MTHFD1: variants seen among roughly 807,000 people sequenced by gnomAD.
MTHFD1 encodes the protein methylenetetrahydrofolate dehydrogenase, cyclohydrolase and formyltetrahydrofolate synthetase 1.
A neutral mutation model predicts 110.3 loss-of-function variants in MTHFD1; 44 were observed. The ratio of observed to expected loss-of-function variants is 0.40; its 90% confidence interval spans 0.31 to 0.51. The LOEUF is 0.51. Ranked by LOEUF, MTHFD1 falls within the 20% of genes least tolerant of loss-of-function variation. The pLI, the probability that MTHFD1 is intolerant of heterozygous loss-of-function variation, is 0.60. For missense variants in MTHFD1, 909 were observed against 1,173.1 expected (o/e 0.77, Z 3.29); for synonymous variants, 402 against 428.8 (o/e 0.94, Z 0.77).
At chr14:64,442,199 G>C in intron 20 of MTHFD1, 34 bp downstream of exon 20, 3 of 1,612,964 alleles carry the variant, frequency 1.9e-6, no homozygotes, top group Non-Finnish European at 2.5e-6. Flanking sequence ...TGAATAGACT[G>C]TATGTTTCTT....
chr14:64,427,058 CT>C (rs1228937769), intron 11 of MTHFD1, among the ~76,000 whole-genome samples: 2 of 150,100 alleles, frequency 1.3e-5, no homozygotes, highest in South Asian at 2.1e-4. Flanking sequence ...TCTTTTCTTT[CT>C]TTTTTTTTCT....
At position 64,417,310 on chromosome 14, in the gene MTHFD1, G is replaced by C; in HGVS notation, c.479-578G>C. ...GACATTGGTATATTGCCAGAAAAAT[G>C]GATGCTGTGATAGCAAAAAGAAAGC... is the stretch of plus-strand genomic sequence containing the variant. On this transcript the variant is annotated intron_variant, in intron 6 of 27. Transcript: ENST00000652337. This position sits in a 1 kb window ranked among gnomAD's most constrained non-coding sequence, Gnocchi z 4.4. Among the ~76,000 whole-genome samples the C allele has an allele frequency of 6.6e-6, 1 of 152,186 alleles. No homozygotes were observed.
chr14:64,433,254 G>T (rs1037390003), intron 15 of MTHFD1, among the ~76,000 whole-genome samples: 1 of 151,568 alleles, frequency 6.6e-6, no homozygotes, highest in Non-Finnish European at 1.5e-5. Flanking sequence ...GAATAGCTGG[G>T]GTTACAGGTG....
At chr14:64,425,633 C>T (rs749636847) in intron 9 of MTHFD1, 97 bp from the exon 10 acceptor site, 10 of 1,001,522 alleles carry the variant, frequency 1.0e-5, no homozygotes, top group Non-Finnish European at 1.6e-5. Context: ...TGAAGCAGTT[C>T]ATTTTGTGAT....
rs1369613607 is a variant in MTHFD1, at chr14:64,453,825, C to G, written c.2529C>G (p.Pro843=). The change falls in exon 25 of 28, where the codon CCC becomes CCG. Residue 843 remains proline, a synonymous_variant. Transcript: ENST00000652337. ...GAGCAGATGACATTGAATTACTTCC[C>G]GAAGCTCAACACAAAGCTGAAGTCT... ...IYGADDIELL[P]EAQHKAEVYT... is the part of the protein sequence containing the mutation. 1 of 1,611,958 alleles carries G rather than the reference C, an allele frequency of 6.2e-7. No homozygotes were observed. The highest frequency in any genetic ancestry group is 1.1e-5 in the South Asian group (1 of 91,014).
chr14:64,421,482 C>G (rs1428236145), intron 8 of MTHFD1, among the ~76,000 whole-genome samples: 3 of 152,202 alleles, frequency 2.0e-5, no homozygotes, highest in African/African-American at 7.2e-5. Flanking sequence ...GCTTTTAAGA[C>G]AGTAGCTCAT....
chr14:64,427,235 C>A, intron 11 of MTHFD1, 102 bp from the exon 12 acceptor site: 1 of 1,368,084 alleles, frequency 7.3e-7, no homozygotes, highest in Non-Finnish European at 1.0e-6. Flanking sequence ...CTTTCTTAAT[C>A]TTTAGATTAC....
At position 64,447,419 on chromosome 14, in the gene MTHFD1, G is replaced by A. The variant is rs1299653221; in HGVS notation, c.2179-798G>A. On this transcript the variant is annotated intron_variant, in intron 22 of 27. Transcript: ENST00000652337. ...TCCACCTGCCTCGGCCCCCCAAAGT[G>A]CTGGGATGACAGGCATAAGCCACCA... 2.0e-5 allele frequency among the ~76,000 whole-genome samples: 3 copies of A among 149,364 alleles called. No individual in the cohort carries two copies. In the East Asian group the frequency reaches 5.9e-4, roughly 29 times the overall value.
chr14:64,392,759 T>C (rs1188884195), intron 1 of MTHFD1, among the ~76,000 whole-genome samples: 1 of 152,242 alleles, frequency 6.6e-6, no homozygotes, highest in African/African-American at 2.4e-5. Context: ...ATGAGTTTAA[T>C]ACCTATAAAG....
chr14:64,438,884 C>G (rs749031221), intron 16 of MTHFD1, among the ~76,000 whole-genome samples: 35 of 152,324 alleles, frequency 2.3e-4, no homozygotes, highest in Non-Finnish European at 4.4e-4. Context: ...CCAAGCCATT[C>G]CACATTCCTT....
rs2078276708 is a variant in MTHFD1 at position 64,444,698 on chromosome 14, T to C, written c.2142T>C (p.Thr714=). The change falls in exon 22 of 28, where the codon ACT becomes ACC. Residue 714 remains threonine (T), a synonymous_variant. Coordinates refer to ENST00000652337, the MANE Select transcript of MTHFD1 (RefSeq NM_005956.4). ...TCTGTTTCTTTTCCTTCCAGGTCACTGCTGGACTGCCTCTTCCCAAGGCTT... is the reference window on the plus strand; with the variant it reads ...TCTGTTTCTTTTCCTTCCAGGTCACCGCTGGACTGCCTCTTCCCAAGGCTT... ...LKMHGGGPTV[T]AGLPLPKAYI... 10 of 1,614,044 alleles carry C rather than the reference T, an allele frequency of 6.2e-6. No homozygotes were observed. Among genetic ancestry groups the C allele is most frequent in the South Asian group, 1.1e-5 (1 of 91,092 alleles).
rs982740179 is a variant in MTHFD1 at position 64,458,160 on chromosome 14, C to T, written c.2719-54C>T. ...CTCCACCTCAGCCTGGGATTATAGG[C>T]GTGAGCCACTGTGCCCAGCATTAGT... On this transcript the variant is annotated intron_variant, in intron 26 of 27. Coordinates refer to ENST00000652337, the MANE Select transcript of MTHFD1 (RefSeq NM_005956.4). 22 of 1,364,148 alleles carry T rather than the reference C, an allele frequency of 1.6e-5. No homozygotes were observed. The East Asian group carries it at 2.1e-4, about 13-fold the overall frequency. The allele number at this position is 1,364,148 out of a possible 1,614,324, so 84.5% of individuals were successfully genotyped here.
intron 11 of MTHFD1, among the ~76,000 whole-genome samples, chr14:64,426,583 G>C (rs1231763965): frequency 6.6e-6 from 1 of 152,156 alleles, no homozygotes. Context: ...CGGTTCTCCT[G>C]CCTCAGCCTC....
intron 4 of MTHFD1, among the ~76,000 whole-genome samples, chr14:64,413,177 C>T (rs965417060): frequency 6.6e-6 from 1 of 151,584 alleles, no homozygotes; most frequent in African/African-American, 2.4e-5. Flanking sequence ...CATGGAGAAA[C>T]CCTGTCTCTA....
chr14:64,412,617 A>T, intron 4 of MTHFD1, 92 bp downstream of exon 4: 3 of 832,306 alleles, frequency 3.6e-6, no homozygotes, highest in Non-Finnish European at 6.1e-6. Flanking sequence ...TGACACATTT[A>T]GCCAAGACCT....
At chr14:64,430,282 G>GC (rs747562344) in intron 13 of MTHFD1, 52 bp downstream of exon 13, 1 of 1,543,482 alleles carries the variant, frequency 6.5e-7, no homozygotes, top group Admixed American at 1.7e-5. Context: ...TTTGTCGGGG[G>GC]GGAGGGTGCT....
At chr14:64,427,583 C>T (rs2078127666) in intron 12 of MTHFD1, 110 bp downstream of exon 12, 15 of 1,075,694 alleles carry the variant, frequency 1.4e-5, no homozygotes, top group Admixed American at 3.4e-5. Flanking sequence ...CATTTCAACA[C>T]CAGGAATGTC....
intron 16 of MTHFD1, 124 bp from the exon 17 acceptor site, chr14:64,438,972 A>G: frequency 1.3e-6 from 1 of 750,524 alleles, no homozygotes; most frequent in Non-Finnish European, 2.4e-6. Flanking sequence ...TAGCTTTGCC[A>G]TCCATTTTGA....
chr14:64,431,757 T>G, intron 14 of MTHFD1, 30 bp from the exon 15 acceptor site: 3 of 1,607,068 alleles, frequency 1.9e-6, no homozygotes, highest in Non-Finnish European at 2.6e-6. Flanking sequence ...GGGGCTCCTC[T>G]CATTTTAAAG....
Sources: gnomAD v4.1 joint callset for allele counts (sites outside exome capture counted in the v4.1 genomes callset) on GRCh38, gnomAD v4.1.1 for gene constraint, Gnocchi (gnomAD v3.1) non-coding constraint, MANE v1.5 for transcripts, NCBI Gene and HGNC (gene_info 2026-07-23, HGNC 2026-07-21) for gene names.